The following ULK4 variants were observed in gnomAD, a reference collection of about 807,000 sequenced individuals.
The protein encoded by ULK4 is inactive serine/threonine-protein kinase ULK4.
Under a neutral mutation model 160.6 loss-of-function variants are expected in ULK4, and 133 were observed. The observed-to-expected ratio is 0.83, with a 90% CI of 0.72 to 0.96. ULK4 has a LOEUF of 0.96. Ranked by LOEUF, ULK4 falls within the 40% of genes least tolerant of loss-of-function variation. The pLI is 0.00. For missense variants in ULK4, 1,580 were observed against 1,499.5 expected, an observed-to-expected ratio of 1.05 and a Z score of -0.89; for synonymous variants, 534 against 539.8, an observed-to-expected ratio of 0.99 and a Z score of 0.15.
At chr3:41,257,380 C>T (rs2078853908) in intron 35 of ULK4, among the ~76,000 whole-genome samples, 1 of 151,978 alleles carries the variant, frequency 6.6e-6, no homozygotes, top group Admixed American at 6.6e-5. Flanking sequence ...ACCTGTAATC[C>T]CAAAACTTAG....
intron 35 of ULK4, among the ~76,000 whole-genome samples, chr3:41,396,054 A>T (rs773338684): frequency 4.5e-4 from 69 of 152,278 alleles, no homozygotes; most frequent in Non-Finnish European, 5.6e-4. Flanking sequence ...AGTAAATAAC[A>T]TAACTTATTT....
intron 35 of ULK4, among the ~76,000 whole-genome samples, chr3:41,333,276 C>T (rs770316817): frequency 8.5e-5 from 13 of 152,242 alleles, no homozygotes; most frequent in Admixed American, 2.6e-4. Context: ...AGCTACCACA[C>T]GCAGCCTCAA....
chr3:41,931,721 T>A, intron 5 of ULK4, 123 bp downstream of exon 5: 1 of 1,195,920 alleles, frequency 8.4e-7, no homozygotes, highest in Non-Finnish European at 1.2e-6. Flanking sequence ...TGTCTGCTGG[T>A]CATTACCATT....
At chr3:41,327,906 G>C (rs1375755089) in intron 35 of ULK4, among the ~76,000 whole-genome samples, 1 of 152,206 alleles carries the variant, frequency 6.6e-6, no homozygotes, top group African/African-American at 2.4e-5. Context: ...TGCGGAACAG[G>C]CTGTTCCAGT....
intron 30 of ULK4, among the ~76,000 whole-genome samples, chr3:41,619,652 A>G (rs1015214392): frequency 4.6e-5 from 7 of 152,156 alleles, no homozygotes; most frequent in African/African-American, 1.7e-4. Context: ...AAATGCCCAC[A>G]GGAAAAAAAC....
intron 18 of ULK4, among the ~76,000 whole-genome samples, chr3:41,822,807 C>T (rs1031486798): frequency 6.1e-5 from 9 of 147,440 alleles, no homozygotes; most frequent in Non-Finnish European, 8.9e-5. Context: ...CTGCAAGCTC[C>T]GCCTCCCAGG....
intron 22 of ULK4, among the ~76,000 whole-genome samples, chr3:41,727,844 G>A (rs531589886): frequency 6.6e-6 from 1 of 152,192 alleles, no homozygotes; most frequent in South Asian, 2.1e-4. Context: ...AAGTCATGGT[G>A]GCTTTGGTTA....
intron 22 of ULK4, among the ~76,000 whole-genome samples, chr3:41,721,558 G>A (rs1445619318): frequency 1.3e-5 from 2 of 150,812 alleles, no homozygotes; most frequent in African/African-American, 2.4e-5. Flanking sequence ...AGTGGAGACC[G>A]GGTTTCACCA....
chr3:41,716,192 G>A (rs1474300728), intron 23 of ULK4, among the ~76,000 whole-genome samples: 5 of 144,952 alleles, frequency 3.4e-5, no homozygotes, highest in African/African-American at 1.0e-4. Context: ...CAGCCTGGGC[G>A]ACAGAGCAAG....
At chr3:41,941,388 T>A (rs1173609299) in intron 2 of ULK4, among the ~76,000 whole-genome samples, 1 of 140,154 alleles carries the variant, frequency 7.1e-6, no homozygotes, top group Non-Finnish European at 1.5e-5. Flanking sequence ...CAAACTCTAC[T>A]ACCACTTAAC....
intron 20 of ULK4, among the ~76,000 whole-genome samples, chr3:41,797,229 G>C (rs2040327152): frequency 6.6e-6 from 1 of 151,306 alleles, no homozygotes; most frequent in African/African-American, 2.4e-5. Flanking sequence ...GTTACGAAAA[G>C]CAAAACAAAC....
At chr3:41,572,765 C>CA (rs34025379) in intron 31 of ULK4, among the ~76,000 whole-genome samples, 4,677 of 81,132 alleles carry the variant, frequency 0.058, 107 homozygotes, top group Non-Finnish European at 0.084. Context: ...GATTCCATCT[C>CA]AAAAAAAAAA....
At chr3:41,567,819 T>C (rs2087836873) in intron 31 of ULK4, among the ~76,000 whole-genome samples, 1 of 152,150 alleles carries the variant, frequency 6.6e-6, no homozygotes. Context: ...TATCTCTTAA[T>C]TGATTTTAAT....
intron 30 of ULK4, among the ~76,000 whole-genome samples, chr3:41,662,939 G>A (rs1376567535): frequency 9.2e-5 from 14 of 151,804 alleles, no homozygotes; most frequent in East Asian, 7.7e-4. Context: ...AAAGTATGTC[G>A]GCCGGGCGGG....
intron 17 of ULK4, among the ~76,000 whole-genome samples, chr3:41,877,185 A>G (rs1244314577): frequency 6.6e-6 from 1 of 152,214 alleles, no homozygotes; most frequent in African/African-American, 2.4e-5. Context: ...TTGACTGTAC[A>G]TATCATCCAG....
intron 32 of ULK4, among the ~76,000 whole-genome samples, chr3:41,542,263 T>C (rs368300844): frequency 6.6e-6 from 1 of 152,244 alleles, no homozygotes; most frequent in East Asian, 1.9e-4. Context: ...TTTCTGCATC[T>C]ATTGAGATAA....
At chr3:41,441,284 G>C (rs542484177) in intron 34 of ULK4, among the ~76,000 whole-genome samples, 1 of 152,106 alleles carries the variant, frequency 6.6e-6, no homozygotes, top group East Asian at 1.9e-4. Context: ...GGAGTCATGT[G>C]CTGTAAATCT....
At chr3:41,956,239 T>G (rs1236023269) in intron 1 of ULK4, among the ~76,000 whole-genome samples, 1 of 152,104 alleles carries the variant, frequency 6.6e-6, no homozygotes, top group Non-Finnish European at 1.5e-5. Context: ...ATCAATGAAA[T>G]TGGCTGACTG....
intron 21 of ULK4, among the ~76,000 whole-genome samples, chr3:41,783,962 A>G (rs2039927636): frequency 6.6e-6 from 1 of 152,320 alleles, no homozygotes; most frequent in African/African-American, 2.4e-5. Flanking sequence ...TTTGGAGTAC[A>G]AGGATTAGTA....
Sources: gnomAD v4.1 joint callset for allele counts (sites outside exome capture counted in the v4.1 genomes callset) on GRCh38, gnomAD v4.1.1 for gene constraint, MANE v1.5 for transcripts, NCBI Gene and HGNC (gene_info 2026-07-23, HGNC 2026-07-21) for gene names.